Variants in HERC1 observed in about 807,000 individuals in gnomAD.
The protein encoded by HERC1 is HECT and RLD domain containing E3 ubiquitin protein ligase family member 1.
In HERC1, 160 loss-of-function variants were observed where a neutral mutation model predicts 554.3. The observed-to-expected ratio is 0.29, with a 90% CI of 0.25 to 0.33. The LOEUF (loss-of-function observed/expected upper bound fraction) is 0.33. Among genes scored for constraint, HERC1 ranks in the 10% least tolerant of loss-of-function variants. The pLI, the probability that HERC1 is intolerant of heterozygous loss-of-function variation, is 1.00. For missense variants in HERC1, 4,919 were observed against 5,918.5 expected (o/e 0.83, Z 5.54); for synonymous variants, 2,175 against 2,131.7 (o/e 1.02, Z -0.56).
At chr15:63,784,634 G>C (rs1011395307) in intron 1 of HERC1, among the ~76,000 whole-genome samples, 7 of 151,072 alleles carry the variant, frequency 4.6e-5, no homozygotes, top group Non-Finnish European at 8.8e-5. Flanking sequence ...TTGAGACAGA[G>C]TCTCACTCTG....
intron 54 of HERC1, 61 bp downstream of exon 54, chr15:63,649,664 A>C (rs1257021860): frequency 2.9e-6 from 4 of 1,373,354 alleles, no homozygotes; most frequent in African/African-American, 2.9e-5. Flanking sequence ...AAATGCCAAA[A>C]AGCTAAGTCT....
chr15:63,651,863 C>G (rs929931792), intron 52 of HERC1, among the ~76,000 whole-genome samples: 1 of 152,096 alleles, frequency 6.6e-6, no homozygotes, highest in African/African-American at 2.4e-5. Context: ...TAGTGAAACC[C>G]TGTCTCTACT....
intron 1 of HERC1, among the ~76,000 whole-genome samples, chr15:63,801,740 G>A (rs932950074): frequency 3.3e-5 from 5 of 152,158 alleles, no homozygotes; most frequent in African/African-American, 1.2e-4. Context: ...ATGTGAGCAA[G>A]TGCAAGTGTG....
chr15:63,806,794 C>T (rs59619536), intron 1 of HERC1, among the ~76,000 whole-genome samples: 1,601 of 152,314 alleles, frequency 0.011, 22 homozygotes, highest in African/African-American at 0.037. Flanking sequence ...CACTCCGAGA[C>T]AGTCTTGCTC....
intron 39 of HERC1, among the ~76,000 whole-genome samples, chr15:63,670,909 A>C (rs1251725864): frequency 6.6e-6 from 1 of 151,904 alleles, no homozygotes; most frequent in Non-Finnish European, 1.5e-5. Context: ...AATTTCAAAA[A>C]ATTAGCGAGG....
chr15:63,744,196 CT>C (rs2074967908), intron 12 of HERC1, among the ~76,000 whole-genome samples: 3 of 143,094 alleles, frequency 2.1e-5, no homozygotes, highest in African/African-American at 7.9e-5. Flanking sequence ...CTCTCTCTCT[CT>C]GTCTCTCCTC....
At position 63,655,830 on chromosome 15, in the gene HERC1, A is replaced by G. The variant is rs771681779; in HGVS notation, c.9996T>C (p.Phe3332=). ...ATGCCACAAGGGCCTGTGTTACAACAAAGTTTGGGGAGGTCACAAGCTTGT... is the reference window on the plus strand; with the variant it reads ...ATGCCACAAGGGCCTGTGTTACAACGAAGTTTGGGGAGGTCACAAGCTTGT... ...EENKLVTSPN[F]VVTQALVALL... is the part of the protein sequence containing the mutation. The change falls in exon 50 of 78, where the codon TTT becomes TTC. Residue 3332 remains phenylalanine, a synonymous_variant. Coordinates refer to ENST00000443617, the MANE Select transcript of HERC1 (RefSeq NM_003922.4). The G allele has an allele frequency of 3.1e-6, 5 of 1,601,646 alleles. No homozygotes were observed. The African/African-American group carries it at 6.7e-5, about 21-fold the overall frequency.
At chr15:63,658,803 G>C in intron 47 of HERC1, 85 bp from the exon 48 acceptor site, 1 of 1,116,854 alleles carries the variant, frequency 9.0e-7, no homozygotes, top group Non-Finnish European at 1.2e-6. Flanking sequence ...ATTCTACAGA[G>C]GTTCCATAAC....
At chr15:63,762,571 C>T (rs1440748216) in intron 3 of HERC1, among the ~76,000 whole-genome samples, 2 of 152,118 alleles carry the variant, frequency 1.3e-5, no homozygotes, top group Non-Finnish European at 2.9e-5. Context: ...GTAATCCACC[C>T]ACCTCGGCCT....
At chr15:63,655,442 A>G (rs1465003590) in intron 50 of HERC1, among the ~76,000 whole-genome samples, 4 of 152,232 alleles carry the variant, frequency 2.6e-5, no homozygotes, top group African/African-American at 9.6e-5. Context: ...GTCCCTTCAA[A>G]GTGTTATAAT....
At chr15:63,786,649 A>T (rs1438045409) in intron 1 of HERC1, among the ~76,000 whole-genome samples, 1 of 152,250 alleles carries the variant, frequency 6.6e-6, no homozygotes, top group Non-Finnish European at 1.5e-5. Flanking sequence ...TGCCAGATAT[A>T]AAAGGCTATA....
Position 63,727,688 on chromosome 15 carries a change from G to C in HERC1, c.3305C>G (p.Ala1102Gly), listed in dbSNP as rs1157348073. The change falls in exon 17 of 78, where the codon GCT (alanine) becomes GGT (glycine). Residue 1102 changes from alanine (A) to glycine (G), a missense_variant. Ala to Gly is a moderately conservative substitution (Grantham distance 60). Coordinates refer to ENST00000443617, the MANE Select transcript of HERC1 (RefSeq NM_003922.4). The surrounding 1 kb of genome is among the most constrained non-coding windows in gnomAD (Gnocchi z 4.3). The part of the protein sequence containing the change: ...LDCLNRLLPA[A>G]DLLEDQELQW... ...TAACTCCTGGTCTTCTAAAAGATCAGCAGCTGGCAGGAGTCTATTAAGGCA... is the reference window on the plus strand; with the variant it reads ...TAACTCCTGGTCTTCTAAAAGATCACCAGCTGGCAGGAGTCTATTAAGGCA... 17 of 1,613,484 alleles carry C rather than the reference G, an allele frequency of 1.1e-5. No homozygotes were observed. The highest frequency in any genetic ancestry group is 1.4e-5 in the Non-Finnish European group (16 of 1,179,692).
intron 19 of HERC1, among the ~76,000 whole-genome samples, chr15:63,721,985 C>T (rs560914464): frequency 1.3e-5 from 2 of 152,094 alleles, no homozygotes; most frequent in Admixed American, 6.5e-5. Context: ...TTTAGCCTCC[C>T]GAGTAGCTGG....
chr15:63,610,446 G>T (rs2067535171), intron 77 of HERC1, among the ~76,000 whole-genome samples: 1 of 152,222 alleles, frequency 6.6e-6, no homozygotes, highest in East Asian at 1.9e-4. Flanking sequence ...GATTAGTGGT[G>T]GATTAACTCC....
Position 63,632,717 on chromosome 15 carries a change from A to G in HERC1, c.12788T>C (p.Phe4263Ser). The change falls in exon 68 of 78, where the codon TTT becomes TCT. Residue 4263 changes from phenylalanine (F) to serine (S), a missense_variant. Phe to Ser is a radical substitution (Grantham distance 155). Transcript: ENST00000443617. ...GCTGAAAAATGTCTTACCTTGACCA[A>G]AGGTATACACATGACCATCTTTGGT... Reference protein sequence around the residue: ...ALTKDGHVYTFGQDRLIGLPE... With the variant: ...ALTKDGHVYTSGQDRLIGLPE... 1 of 1,554,164 alleles carries G rather than the reference A, an allele frequency of 6.4e-7. No individual in the cohort carries two copies. The highest frequency in any genetic ancestry group is 8.7e-7 in the Non-Finnish European group (1 of 1,146,264).
In HERC1 at chr15:63,775,687, G is replaced by C; in HGVS notation, c.-26-38C>G. On this transcript the variant is annotated intron_variant, in intron 1 of 77. Coordinates refer to ENST00000443617, the MANE Select transcript of HERC1 (RefSeq NM_003922.4). The surrounding 1 kb of genome is among the most constrained non-coding windows in gnomAD (Gnocchi z 4.0). The stretch of plus-strand genomic sequence containing the variant: ...AAGAGAAAACAGTCAAAAACATACA[G>C]AGGACTCATAAAATGTTTCCAAAAT... 7.8e-7 allele frequency: 1 copy of C among 1,288,536 alleles called. No individual in the cohort carries two copies. The highest frequency in any genetic ancestry group is 1.1e-6 in the Non-Finnish European group (1 of 925,438). The allele number at this position is 1,288,536 out of a possible 1,614,324, so 79.8% of individuals were successfully genotyped here.
In HERC1 at chr15:63,663,203, C is replaced by T; in HGVS notation, c.8682G>A (p.Ala2894=). The T allele has an allele frequency of 1.2e-6, 2 of 1,607,770 alleles. No homozygotes were observed. The highest frequency in any genetic ancestry group is 1.7e-6 in the Non-Finnish European group (2 of 1,176,650). ...GGGCCTGCACAGAGCGGTATAATCC[C>T]GCTCAGAACAAAACAAAAAAGGCAT... ...LAARTLLARA[A]GLYRSVQAHR... Residue 2894 remains alanine (A), a splice_region_variant and synonymous_variant, in exon 44 of 78, where the codon GCG becomes GCA. Coordinates refer to ENST00000443617, the MANE Select transcript of HERC1 (RefSeq NM_003922.4).
chr15:63,721,506 A>G (rs1453401372), intron 19 of HERC1, among the ~76,000 whole-genome samples: 3 of 152,204 alleles, frequency 2.0e-5, no homozygotes, highest in African/African-American at 2.4e-5. Context: ...AGCCTGGACG[A>G]TAAGAGGAGA....
In HERC1 at chr15:63,678,187, T is replaced by C. The variant is rs1348848328; in HGVS notation, c.6728A>G (p.Lys2243Arg). ...INKKMMERLH[K>R]IKICIKESGQ... ...TGACTCTTTAATACATATCTTAATT[T>C]TGTGAAGCCTTTCCATCATTTTTTT... The change falls in exon 37 of 78, where the codon AAA becomes AGA. Residue 2243 changes from lysine (K) to arginine (R), a missense_variant. Physicochemically the swap from Lys to Arg is conservative, Grantham distance 26. Transcript: ENST00000443617. The C allele has an allele frequency of 6.2e-7, 1 of 1,614,016 alleles. No homozygotes were observed. The highest frequency in any genetic ancestry group is 1.1e-5 in the South Asian group (1 of 91,074).
Sources: allele counts gnomAD v4.1 joint callset (sites outside exome capture counted in the v4.1 genomes callset), GRCh38; gene constraint gnomAD v4.1.1; non-coding constraint Gnocchi (gnomAD v3.1); transcripts MANE v1.5; gene names NCBI Gene and HGNC (gene_info 2026-07-23, HGNC 2026-07-21).